SNTG2: variants seen among roughly 807,000 people sequenced by gnomAD.
The protein encoded by SNTG2 is gamma-2-syntrophin.
SNTG2 carries 74 observed loss-of-function variants against 70.9 expected under a neutral mutation model. The observed-to-expected ratio is 1.04, with a 90% CI of 0.86 to 1.27. The LOEUF is 1.27. Ranked by LOEUF, SNTG2 falls within the 50% of genes most tolerant of loss-of-function variation. The pLI is 0.00. For synonymous variants in SNTG2, 278 were observed against 273.8 expected, an observed-to-expected ratio of 1.02 and a Z score of -0.15; for missense variants, 717 against 690.7, an observed-to-expected ratio of 1.04 and a Z score of -0.43.
intron 14 of SNTG2, among the ~76,000 whole-genome samples, chr2:1,279,004 C>G (rs1469982303): frequency 2.2e-5 from 2 of 89,466 alleles, no homozygotes; most frequent in African/African-American, 6.9e-5. Context: ...TCTGTCAGTG[C>G]GTGAATAACC....
intron 14 of SNTG2, among the ~76,000 whole-genome samples, chr2:1,290,317 C>CTTT (rs34782770): frequency 6.9e-6 from 1 of 144,436 alleles, no homozygotes; most frequent in Non-Finnish European, 1.5e-5. Flanking sequence ...GTTCTACATC[C>CTTT]TTTTTTTTTT....
chr2:1,173,241 A>G lies in SNTG2; in HGVS notation c.591+58A>G, dbSNP rs963071247. 79 of 1,452,998 alleles carry G rather than the reference A, an allele frequency of 5.4e-5. No individual in the cohort carries two copies. In the Admixed American group the frequency reaches 1.3e-3, roughly 24 times the overall value. 90.0% of individuals were successfully genotyped at this position (1,452,998 alleles called of 1,614,324 possible). ...TAACAGAAATATCAGTAGCCCAGAG[A>G]TAATCTCTAGACAGAATTAAAAAGA... On this transcript the variant is annotated intron_variant, in intron 8 of 16. Coordinates refer to ENST00000308624, the MANE Select transcript of SNTG2 (RefSeq NM_018968.4).
chr2:1,229,589 C>T (rs953795441), intron 9 of SNTG2, among the ~76,000 whole-genome samples: 29 of 152,352 alleles, frequency 1.9e-4, no homozygotes, highest in Non-Finnish European at 3.7e-4. Flanking sequence ...AGTCCCGCGC[C>T]GTGCGCTCGC....
intron 16 of SNTG2, among the ~76,000 whole-genome samples, chr2:1,321,981 C>T (rs561446339): frequency 6.6e-6 from 1 of 150,930 alleles, no homozygotes; most frequent in East Asian, 2.0e-4. Flanking sequence ...CTTCTCTTTC[C>T]ATTTTTAAAA....
chr2:1,117,363 C>A (rs1162057036), intron 4 of SNTG2, among the ~76,000 whole-genome samples: 1 of 152,070 alleles, frequency 6.6e-6, no homozygotes, highest in Non-Finnish European at 1.5e-5. Context: ...TAATACACTG[C>A]AAAATATCAT....
intron 16 of SNTG2, among the ~76,000 whole-genome samples, chr2:1,355,962 T>C (rs1044370820): frequency 1.3e-5 from 2 of 152,354 alleles, no homozygotes; most frequent in Middle Eastern, 3.4e-3. Context: ...TGCCTTTTCA[T>C]GTTTGCTGGC....
At chr2:1,070,697 G>A (rs1448460345) in intron 1 of SNTG2, among the ~76,000 whole-genome samples, 1 of 152,144 alleles carries the variant, frequency 6.6e-6, no homozygotes, top group Non-Finnish European at 1.5e-5. Context: ...GCCGCACGTT[G>A]AGAGTTACAT....
At chr2:1,278,103 G>A (rs560442100) in intron 14 of SNTG2, among the ~76,000 whole-genome samples, 11 of 152,256 alleles carry the variant, frequency 7.2e-5, no homozygotes, top group South Asian at 2.1e-4. Context: ...CATCTCTTTC[G>A]GTTCCAAGCA....
chr2:1,286,009 C>T (rs1274797298), intron 14 of SNTG2, among the ~76,000 whole-genome samples: 5 of 152,194 alleles, frequency 3.3e-5, no homozygotes, highest in African/African-American at 9.7e-5. Context: ...CCAGGTCAAT[C>T]GCCCCAGCCA....
chr2:1,290,063 G>T, intron 14 of SNTG2, among the ~76,000 whole-genome samples: 1 of 152,196 alleles, frequency 6.6e-6, no homozygotes, highest in Admixed American at 6.5e-5. Flanking sequence ...TTCTACCTTT[G>T]GGCTGCTGGG....
chr2:1,166,474 T>C (rs1670714361), intron 7 of SNTG2, among the ~76,000 whole-genome samples: 1 of 152,210 alleles, frequency 6.6e-6, no homozygotes, highest in Non-Finnish European at 1.5e-5. Context: ...ACTTTCTCTC[T>C]CTCTTCCATT....
intron 4 of SNTG2, among the ~76,000 whole-genome samples, chr2:1,104,544 A>G (rs1407963826): frequency 6.6e-6 from 1 of 152,178 alleles, no homozygotes; most frequent in African/African-American, 2.4e-5. Context: ...TGTTTACCTA[A>G]GTTTTAGGTT....
At chr2:1,258,977 T>C (rs1453152058) in intron 12 of SNTG2, among the ~76,000 whole-genome samples, 2 of 152,220 alleles carry the variant, frequency 1.3e-5, no homozygotes, top group East Asian at 3.8e-4. Context: ...TATAAACTCA[T>C]TCACTTTCAC....
chr2:1,175,912 C>T (rs746077056), intron 8 of SNTG2, among the ~76,000 whole-genome samples: 2 of 152,196 alleles, frequency 1.3e-5, no homozygotes, highest in African/African-American at 2.4e-5. Context: ...ACGACAGTAT[C>T]GTTGAAGGGA....
chr2:987,234 GAGA>G (rs1661355605), intron 1 of SNTG2, among the ~76,000 whole-genome samples: 1 of 152,234 alleles, frequency 6.6e-6, no homozygotes. Flanking sequence ...TGCCAGGACT[GAGA>G]AGGAGAGGTG....
intron 4 of SNTG2, among the ~76,000 whole-genome samples, chr2:1,114,150 C>T (rs933582547): frequency 6.6e-6 from 1 of 151,428 alleles, no homozygotes; most frequent in Non-Finnish European, 1.5e-5. Flanking sequence ...AGGTTTAACC[C>T]TTACGGTCCT....
rs369965573 is a variant in SNTG2 at position 1,113,859 on chromosome 2, G to A, written c.325+15449G>A. 2.9e-4 allele frequency among the ~76,000 whole-genome samples: 43 copies of A among 148,644 alleles called. 1 individual carries two copies. Among genetic ancestry groups the A allele is most frequent in the African/African-American group, 1.0e-3 (42 of 40,162 alleles). On this transcript the variant is annotated intron_variant, in intron 4 of 16. Transcript: ENST00000308624. Reference sequence around the variant, plus strand: ...GAGAAGGATCGTGTGTACTAAGTGAGGATTAACCCTTACAGTCCTTTCAGA... The same window carrying A: ...GAGAAGGATCGTGTGTACTAAGTGAAGATTAACCCTTACAGTCCTTTCAGA...
intron 1 of SNTG2, among the ~76,000 whole-genome samples, chr2:951,948 C>A (rs1297222656): frequency 6.6e-6 from 1 of 152,244 alleles, no homozygotes; most frequent in East Asian, 1.9e-4. Context: ...AGTGGAGAGA[C>A]GGTTCAGAAG....
At chr2:1,161,162 G>C (rs549824412) in intron 6 of SNTG2, 12 of 152,608 alleles carry the variant, frequency 7.9e-5, no homozygotes, top group African/African-American at 2.9e-4. Flanking sequence ...GCTCACGCTT[G>C]TAATCCCAGC....
Sources: gnomAD v4.1 joint callset for allele counts (sites outside exome capture counted in the v4.1 genomes callset) on GRCh38, gnomAD v4.1.1 for gene constraint, MANE v1.5 for transcripts, NCBI Gene and HGNC (gene_info 2026-07-23, HGNC 2026-07-21) for gene names.